Variants in KIF13B observed in about 807,000 individuals in gnomAD.
KIF13B encodes kinesin-like protein KIF13B.
In KIF13B, 127 loss-of-function variants were observed where a neutral mutation model predicts 222.0. The ratio of observed to expected loss-of-function variants is 0.57; its 90% CI spans 0.50 to 0.66. KIF13B has a LOEUF of 0.66. KIF13B is among the 30% of genes least tolerant of loss of function. The pLI is 0.00. For synonymous variants in KIF13B, 976 were observed against 919.0 expected, an observed-to-expected ratio of 1.06 and a Z score of -1.12; for missense variants, 2,173 against 2,379.0, an observed-to-expected ratio of 0.91 and a Z score of 1.80.
Position 29,109,479 on chromosome 8 carries a change from T to G in KIF13B, c.4116A>C (p.Lys1372Asn). 6.2e-7 allele frequency: 1 copy of G among 1,613,834 alleles called. No individual in the cohort carries two copies. Among genetic ancestry groups the G allele is most frequent in the Non-Finnish European group, 8.5e-7 (1 of 1,179,700 alleles). Reference sequence around the variant, plus strand: ...TGATACTCCTCCTGCTCAACTTTCCTTTTCCTGTTAACTGTTCCTTCACTG... The same window carrying G: ...TGATACTCCTCCTGCTCAACTTTCCGTTTCCTGTTAACTGTTCCTTCACTG... ...EVAVKEQLTG[K>N]GKLSRRSISS... The change falls in exon 34 of 40, where the codon AAA (lysine) becomes AAC (asparagine). Residue 1372 changes from lysine (K) to asparagine (N), a missense_variant. By Grantham distance (94) the Lys-to-Asn change is moderately conservative. Coordinates refer to ENST00000524189, the MANE Select transcript of KIF13B (RefSeq NM_015254.4).
At chr8:29,146,340 A>G in intron 18 of KIF13B, 38 bp downstream of exon 18, 1 of 1,607,560 alleles carries the variant, frequency 6.2e-7, no homozygotes, top group South Asian at 1.1e-5. Flanking sequence ...ATCTTATCCA[A>G]TGAGATCTTT....
Position 29,177,583 on chromosome 8 carries a change from A to G in KIF13B, c.721-5T>C. ...GCCCACTTTCTCTCCAGATGTCTAC[A>G]AAGGAAATCAATCAATACTAATCAA... On this transcript the variant is annotated splice_polypyrimidine_tract_variant and splice_region_variant and intron_variant, in intron 8 of 39. Transcript: ENST00000524189. The G allele has an allele frequency of 6.3e-7, 1 of 1,586,046 alleles. No individual in the cohort carries two copies. Among genetic ancestry groups the G allele is most frequent in the Non-Finnish European group, 8.7e-7 (1 of 1,154,400 alleles).
rs117224359 is a variant in KIF13B, at chr8:29,078,020, C to T, written c.4459-2677G>A. Among the ~76,000 whole-genome samples the T allele has an allele frequency of 1.5e-4, 23 of 148,732 alleles. No homozygotes were observed. In the East Asian group the frequency reaches 4.3e-3, roughly 28 times the overall value. ...AGAGGAGGCCAGGCACGGTGGTTCA[C>T]GCCTATAATCCCAGCAGTTTGGGAG... is the stretch of plus-strand genomic sequence containing the variant. On this transcript the variant is annotated intron_variant, in intron 37 of 39. Transcript: ENST00000524189.
rs757524983 is a variant in KIF13B, at chr8:29,070,626, C to G, written c.5359G>C (p.Glu1787Gln). 6.3e-7 allele frequency: 1 copy of G among 1,575,034 alleles called. No individual in the cohort carries two copies. The highest frequency in any genetic ancestry group is 1.2e-5 in the South Asian group (1 of 86,772). Residue 1787 changes from glutamate (E) to glutamine (Q), a missense_variant, in exon 40 of 40, where the codon GAG (glutamate) becomes CAG (glutamine). Glu to Gln is a conservative substitution (Grantham distance 29, BLOSUM62 2). This residue lies in a region of KIF13B where 693 missense variants were observed against 656.2 expected (regional missense o/e 1.06). Coordinates refer to ENST00000524189, the MANE Select transcript of KIF13B (RefSeq NM_015254.4). This position sits in a 1 kb window ranked among gnomAD's most constrained non-coding sequence, Gnocchi z 4.1. ...RSTGLRLGAP[E>Q]ARRSATLSGS... Reference sequence around the variant, plus strand: ...GAGAGGGTGGCGCTCCGGCGGGCCTCGGGGGCACCCAGCCGGAGTCCTGTG... The same window carrying G: ...GAGAGGGTGGCGCTCCGGCGGGCCTGGGGGGCACCCAGCCGGAGTCCTGTG...
chr8:29,182,623 C>T (rs549663515), intron 6 of KIF13B, among the ~76,000 whole-genome samples: 31 of 149,424 alleles, frequency 2.1e-4, no homozygotes, highest in Non-Finnish European at 3.6e-4. Flanking sequence ...CCCCTCTTAG[C>T]AAAGAAGGAA....
At chr8:29,132,270 T>C (rs762720299) in intron 23 of KIF13B, 38 bp downstream of exon 23, 2 of 1,358,502 alleles carry the variant, frequency 1.5e-6, no homozygotes, top group East Asian at 2.7e-5. Context: ...AAAAATTACA[T>C]ATATATAAAT....
rs376733489 is a variant in KIF13B, at chr8:29,118,990, C to A, written c.3538G>T (p.Asp1180Tyr). The change falls in exon 30 of 40, where the codon GAT (aspartate) becomes TAT (tyrosine). Residue 1180 changes from aspartate (D) to tyrosine (Y), a missense_variant and splice_region_variant. Transcript: ENST00000524189. ...AGATTATCCTGAGAGCTGAAATCAT[C>A]AGCTAAAAGCAAAGAAGTTCCATTA... ...IPVIFLDLNA[D>Y]DFSSQDNLDD... 1 of 1,612,162 alleles carries A rather than the reference C, an allele frequency of 6.2e-7. No homozygotes were observed. Among genetic ancestry groups the A allele is most frequent in the African/African-American group, 1.3e-5 (1 of 74,822 alleles).
At chr8:29,263,262 C>A, upstream of KIF13B, 1 of 535,498 alleles carries the variant, frequency 1.9e-6, no homozygotes, top group South Asian at 2.4e-5. Flanking sequence ...AATGCTCGGG[C>A]GCGAGTCGTT....
intron 18 of KIF13B, among the ~76,000 whole-genome samples, chr8:29,143,635 C>T (rs1810918061): frequency 6.6e-6 from 1 of 152,104 alleles, no homozygotes; most frequent in Non-Finnish European, 1.5e-5. Context: ...ATCACAAGGT[C>T]AGGAGTTTGA....
At chr8:29,173,942 C>CAAA (rs72309757) in intron 10 of KIF13B, among the ~76,000 whole-genome samples, 12 of 126,718 alleles carry the variant, frequency 9.5e-5, no homozygotes, top group South Asian at 2.6e-4. Context: ...GGCTCCGTCT[C>CAAA]AAAAAAAAAA....
At chr8:29,250,089 AT>A (rs1300238249) in intron 1 of KIF13B, 2 of 1,263,800 alleles carry the variant, frequency 1.6e-6, no homozygotes, top group Non-Finnish European at 2.1e-6. Context: ...TCAAATCTGT[AT>A]CATACACAAG....
At chr8:29,079,059 G>A (rs1177456474) in intron 37 of KIF13B, among the ~76,000 whole-genome samples, 1 of 152,196 alleles carries the variant, frequency 6.6e-6, no homozygotes, top group Non-Finnish European at 1.5e-5. Flanking sequence ...CCTCTGCCAA[G>A]AAGAATAAAA....
In KIF13B at chr8:29,118,935, G is replaced by A. The variant is rs965661459; in HGVS notation, c.3593C>T (p.Ala1198Val). The change falls in exon 30 of 40, where the codon GCG becomes GTG. Residue 1198 changes from alanine to valine, a missense_variant. This residue lies in a region of KIF13B where 1,480 missense variants were observed against 1,722.8 expected (regional missense o/e 0.86). Coordinates refer to ENST00000524189, the MANE Select transcript of KIF13B (RefSeq NM_015254.4). ...CTCTTCTTCTTCCCCAGTCAAGGTC[G>A]CATCCCATCCACCAGCTTCTGGGTC... ...LDDPEAGGWD[A>V]TLTGEEEEEF... 6 of 1,613,572 alleles carry A rather than the reference G, an allele frequency of 3.7e-6. No homozygotes were observed. The highest frequency in any genetic ancestry group is 1.3e-5 in the African/African-American group (1 of 74,886).
At chr8:29,084,191 C>T (rs908578788) in intron 37 of KIF13B, among the ~76,000 whole-genome samples, 1 of 152,208 alleles carries the variant, frequency 6.6e-6, no homozygotes, top group African/African-American at 2.4e-5. Context: ...GCTGGGATTA[C>T]AAGCGTGAGC....
At chr8:29,172,208 G>A (rs949357950) in intron 10 of KIF13B, among the ~76,000 whole-genome samples, 15 of 151,400 alleles carry the variant, frequency 9.9e-5, no homozygotes, top group African/African-American at 3.6e-4. Context: ...AGCCTCCCGA[G>A]TAGCTGGAAC....
At chr8:29,127,083 T>C (rs1484601186) in intron 25 of KIF13B, 39 bp downstream of exon 25, 1 of 1,599,848 alleles carries the variant, frequency 6.3e-7, no homozygotes, top group Non-Finnish European at 8.5e-7. Context: ...TGGTCTGATT[T>C]TGTCTTTCAA....
intron 10 of KIF13B, among the ~76,000 whole-genome samples, chr8:29,168,837 G>A (rs1187447392): frequency 6.6e-6 from 1 of 152,214 alleles, no homozygotes; most frequent in South Asian, 2.1e-4. Flanking sequence ...GAAACCCTGA[G>A]ACAATAAATG....
chr8:29,255,658 A>T (rs1346949972), intron 1 of KIF13B, among the ~76,000 whole-genome samples: 2 of 151,810 alleles, frequency 1.3e-5, no homozygotes, highest in Non-Finnish European at 2.9e-5. Flanking sequence ...TGTTCTTGAG[A>T]CTCGCTGCCT....
intron 2 of KIF13B, among the ~76,000 whole-genome samples, chr8:29,236,624 T>C (rs987063847): frequency 6.6e-6 from 1 of 152,194 alleles, no homozygotes; most frequent in Non-Finnish European, 1.5e-5. Context: ...TTAATAATTA[T>C]GACCCATCCT....
Sources: gnomAD v4.1 joint callset for allele counts (sites outside exome capture counted in the v4.1 genomes callset) on GRCh38, gnomAD v4.1.1 for gene constraint, gnomAD v4.1.1 regional missense constraint, Gnocchi (gnomAD v3.1) non-coding constraint, MANE v1.5 for transcripts, NCBI Gene and HGNC (gene_info 2026-07-23, HGNC 2026-07-21) for gene names.